The following WWOX variants were observed in gnomAD, a reference collection of about 807,000 sequenced individuals.
WWOX encodes the protein WW domain containing oxidoreductase, also known as WW domain-containing oxidoreductase.
A neutral mutation model predicts 46.2 loss-of-function variants in WWOX; 69 were observed. The ratio of observed to expected loss-of-function variants is 1.49; its 90% CI spans 1.23 to 1.82. The LOEUF (loss-of-function observed/expected upper bound fraction) is 1.82. WWOX is among the 40% of genes most tolerant of loss of function. The pLI is 0.00. For synonymous variants in WWOX, 359 were observed against 202.6 expected (o/e 1.77, Z -6.56); for missense variants, 919 against 542.6 (o/e 1.69, Z -6.89).
intron 8 of WWOX, among the ~76,000 whole-genome samples, chr16:78,925,572 A>G (rs2045479433): frequency 6.6e-6 from 1 of 152,216 alleles, no homozygotes. Context: ...TGTAAAACAG[A>G]AGGGGTAGTA....
chr16:78,730,701 A>C (rs7188881), intron 8 of WWOX, among the ~76,000 whole-genome samples: 149,146 of 149,836 alleles, frequency 1, 74,232 homozygotes, highest in Middle Eastern at 1. Context: ...CTCAAGCGAT[A>C]CTCCCTCCTT....
At chr16:78,929,803 T>C (rs1430450923) in intron 8 of WWOX, among the ~76,000 whole-genome samples, 2 of 152,192 alleles carry the variant, frequency 1.3e-5, no homozygotes, top group African/African-American at 4.8e-5. Context: ...GGCAATGCCA[T>C]AAATCCAAGA....
At chr16:78,548,232 GA>G (rs1344657217) in intron 8 of WWOX, among the ~76,000 whole-genome samples, 1 of 150,896 alleles carries the variant, frequency 6.6e-6, no homozygotes, top group Non-Finnish European at 1.5e-5. Context: ...ATGTGGATAT[GA>G]TTTGAGCTAA....
chr16:78,444,350 C>T (rs1271206164), intron 8 of WWOX, among the ~76,000 whole-genome samples: 2 of 151,864 alleles, frequency 1.3e-5, no homozygotes, highest in African/African-American at 4.8e-5. Context: ...AATAGCCATC[C>T]CTTGGGTTAA....
chr16:79,015,689 T>A (rs1208561543), intron 8 of WWOX, among the ~76,000 whole-genome samples: 2 of 152,190 alleles, frequency 1.3e-5, no homozygotes, highest in African/African-American at 4.8e-5. Context: ...CTCCTTCTCT[T>A]ATTAGTTTAT....
At chr16:78,304,092 G>C (rs566622383) in intron 5 of WWOX, among the ~76,000 whole-genome samples, 140 of 152,220 alleles carry the variant, frequency 9.2e-4, no homozygotes, top group Middle Eastern at 3.4e-3. Flanking sequence ...CATAGCTTCG[G>C]TGCTCCTTCT....
chr16:78,646,313 C>A (rs2046841548), intron 8 of WWOX, among the ~76,000 whole-genome samples: 1 of 152,170 alleles, frequency 6.6e-6, no homozygotes, highest in South Asian at 2.1e-4. Flanking sequence ...TACACTTGGC[C>A]TTTTGGCACC....
chr16:78,112,787 C>G (rs971937397), intron 3 of WWOX, among the ~76,000 whole-genome samples: 1 of 151,330 alleles, frequency 6.6e-6, no homozygotes, highest in Non-Finnish European at 1.5e-5. Flanking sequence ...GCAGCCTCAA[C>G]CTCCTGGACT....
chr16:78,723,445 C>G (rs2048740612), intron 8 of WWOX, among the ~76,000 whole-genome samples: 1 of 135,358 alleles, frequency 7.4e-6, no homozygotes, highest in South Asian at 2.6e-4. Flanking sequence ...TGAACTGAAG[C>G]CACAACAGAA....
chr16:78,622,353 G>C (rs543612934), intron 8 of WWOX, among the ~76,000 whole-genome samples: 22 of 152,108 alleles, frequency 1.4e-4, no homozygotes, highest in Admixed American at 9.2e-4. Flanking sequence ...GACCAGCCTG[G>C]CCAACATGGT....
intron 8 of WWOX, among the ~76,000 whole-genome samples, chr16:78,789,463 G>GT (rs1275000455): frequency 6.6e-6 from 1 of 152,130 alleles, no homozygotes; most frequent in Admixed American, 6.5e-5. Context: ...GGCCATAAAT[G>GT]TAAGTATTTC....
intron 8 of WWOX, among the ~76,000 whole-genome samples, chr16:79,081,080 G>T (rs1261054008): frequency 6.6e-6 from 1 of 152,056 alleles, no homozygotes; most frequent in Non-Finnish European, 1.5e-5. Context: ...AAGTTTTTTG[G>T]TATAGCTGCC....
At position 78,348,235 on chromosome 16, in the gene WWOX, A is replaced by C. The variant is rs1567515742; in HGVS notation, c.517-38625A>C. On this transcript the variant is annotated intron_variant, in intron 5 of 8. Coordinates refer to ENST00000566780, the MANE Select transcript of WWOX (RefSeq NM_016373.4). ...CAGAAGCCCAGAAGAGACTTCATGTACTGTGACTGTAATAAAGAGGGTTGT... is the reference window on the plus strand; with the variant it reads ...CAGAAGCCCAGAAGAGACTTCATGTCCTGTGACTGTAATAAAGAGGGTTGT... 4.1e-5 allele frequency among the ~76,000 whole-genome samples: 5 copies of C among 121,716 alleles called. No homozygotes were observed. The South Asian group carries it at 1.2e-3, about 30-fold the overall frequency. The allele number at this position is 121,716 out of a possible 152,430, so 79.9% of individuals were successfully genotyped here.
Position 78,474,963 on chromosome 16 carries a change from TATTTA to T in WWOX, c.1056+42217_1056+42221del, listed in dbSNP as rs774131114. ...AAATGAGTAAACATATGTACAAAAA[TATTTA>T]ATTTATTTAGGCACGCCAGGTTTAT... On this transcript the variant is annotated intron_variant, in intron 8 of 8. Transcript: ENST00000566780. Among the ~76,000 whole-genome samples, 9 of 152,334 alleles carry T rather than the reference TATTTA, an allele frequency of 5.9e-5. No individual in the cohort carries two copies. The South Asian group carries it at 8.3e-4, about 14-fold the overall frequency.
intron 8 of WWOX, among the ~76,000 whole-genome samples, chr16:78,768,591 A>AG (rs1198666919): frequency 1.4e-5 from 2 of 140,846 alleles, no homozygotes; most frequent in African/African-American, 5.3e-5. Context: ...CTTCATCTCG[A>AG]GGAAAAAAAA....
intron 8 of WWOX, among the ~76,000 whole-genome samples, chr16:78,964,931 C>G (rs775753775): frequency 3.9e-5 from 6 of 152,248 alleles, no homozygotes; most frequent in Non-Finnish European, 8.8e-5. Flanking sequence ...CCTTGGCAGC[C>G]TCCATGTGGT....
At chr16:78,784,319 T>C (rs1016126423) in intron 8 of WWOX, among the ~76,000 whole-genome samples, 1 of 152,134 alleles carries the variant, frequency 6.6e-6, no homozygotes, top group African/African-American at 2.4e-5. Flanking sequence ...CTGACTCCTT[T>C]TGTGACCCTG....
intron 8 of WWOX, among the ~76,000 whole-genome samples, chr16:78,801,331 G>T (rs773535838): frequency 6.6e-6 from 1 of 152,074 alleles, no homozygotes; most frequent in African/African-American, 2.4e-5. Flanking sequence ...CCAACATGGT[G>T]AAATCCCATC....
At chr16:78,344,487 A>G (rs958470266) in intron 5 of WWOX, among the ~76,000 whole-genome samples, 4 of 121,442 alleles carry the variant, frequency 3.3e-5, no homozygotes, top group Admixed American at 2.4e-4. Flanking sequence ...GGCTGGGTCT[A>G]TACCAGGGTT....
Sources: allele counts gnomAD v4.1 joint callset (sites outside exome capture counted in the v4.1 genomes callset), GRCh38; gene constraint gnomAD v4.1.1; transcripts MANE v1.5; gene names NCBI Gene and HGNC (gene_info 2026-07-23, HGNC 2026-07-21).